Variants in CDH13 observed in about 807,000 individuals in gnomAD.
CDH13 encodes the protein cadherin-13.
CDH13 carries 24 observed loss-of-function variants against 63.8 expected under a neutral mutation model. The observed-to-expected ratio is 0.38, with a 90% CI of 0.27 to 0.53. The LOEUF is 0.53. CDH13 is among the 20% of genes least tolerant of loss of function. CDH13 has a pLI of 0.85. For synonymous variants in CDH13, 503 were observed against 355.3 expected (o/e 1.42, Z -4.67); for missense variants, 1,049 against 903.1 (o/e 1.16, Z -2.07).
At chr16:82,935,806 T>A (rs1279152643) in intron 2 of CDH13, among the ~76,000 whole-genome samples, 1 of 151,992 alleles carries the variant, frequency 6.6e-6, no homozygotes, top group Non-Finnish European at 1.5e-5. Context: ...AAAATTTAGG[T>A]CATGGACACA....
At chr16:82,903,375 C>A (rs563439152) in intron 2 of CDH13, among the ~76,000 whole-genome samples, 1 of 152,168 alleles carries the variant, frequency 6.6e-6, no homozygotes, top group Non-Finnish European at 1.5e-5. Context: ...GTGTTTGACC[C>A]TGTGAAGAGC....
At chr16:82,862,168 C>G (rs187633939) in intron 2 of CDH13, among the ~76,000 whole-genome samples, 33 of 152,238 alleles carry the variant, frequency 2.2e-4, no homozygotes, top group African/African-American at 7.7e-4. Flanking sequence ...TCCCCAAACA[C>G]GACAATTGTG....
intron 6 of CDH13, among the ~76,000 whole-genome samples, chr16:83,446,134 C>G (rs2072681426): frequency 6.6e-6 from 1 of 151,788 alleles, no homozygotes. Context: ...GAAACCCCAT[C>G]TCTACAAAAA....
chr16:82,848,177 G>A (rs575151551), intron 1 of CDH13, among the ~76,000 whole-genome samples: 21 of 152,346 alleles, frequency 1.4e-4, no homozygotes, highest in African/African-American at 4.8e-4. Context: ...GCAAGCTTCA[G>A]CTGGTGAGTG....
chr16:83,597,376 T>C (rs919867483), intron 7 of CDH13, among the ~76,000 whole-genome samples: 8 of 152,210 alleles, frequency 5.3e-5, no homozygotes, highest in East Asian at 1.9e-4. Context: ...AAAAGTGATA[T>C]GGTAAAACAA....
At chr16:83,730,514 G>C (rs1003591782) in intron 10 of CDH13, among the ~76,000 whole-genome samples, 1 of 152,170 alleles carries the variant, frequency 6.6e-6, no homozygotes, top group Non-Finnish European at 1.5e-5. Flanking sequence ...GCTAAACTGT[G>C]ACTTTTTAAA....
In CDH13 at chr16:82,827,522, A is replaced by G. The variant is rs113503946; in HGVS notation, c.46-30840A>G. Among the ~76,000 whole-genome samples the G allele has an allele frequency of 3.9e-3, 592 of 152,214 alleles. 4 individuals are homozygous for G. The highest frequency in any genetic ancestry group is 0.013 in the African/African-American group (550 of 41,544). ...GGGCTCTGTAAGTGAGGGTGCATAG[A>G]AGAGTAGGTCCCGCCCTTTTTAGGA... On this transcript the variant is annotated intron_variant, in intron 1 of 13. Coordinates refer to ENST00000567109, the MANE Select transcript of CDH13 (RefSeq NM_001257.5).
intron 3 of CDH13, among the ~76,000 whole-genome samples, chr16:83,070,888 A>G (rs2032382959): frequency 7.1e-6 from 1 of 141,126 alleles, no homozygotes. Flanking sequence ...TGACCTAAAC[A>G]ACAGGAGTTT....
At chr16:83,314,398 C>A (rs191304450) in intron 5 of CDH13, among the ~76,000 whole-genome samples, 6 of 152,118 alleles carry the variant, frequency 3.9e-5, no homozygotes, top group Non-Finnish European at 5.9e-5. Flanking sequence ...ATTAATAAGA[C>A]AAGCAGTTTT....
chr16:83,574,865 T>A lies in CDH13; in HGVS notation c.961-27589T>A, dbSNP rs144697036. On this transcript the variant is annotated intron_variant, in intron 7 of 13. Transcript: ENST00000567109. ...ACTCCAGTTTTAAAACTCCAACCCA[T>A]GAAAAGTAATTTCTAAAGGGAACAA... Among the ~76,000 whole-genome samples, 1,017 of 152,012 alleles carry A rather than the reference T, an allele frequency of 6.7e-3. 10 individuals are homozygous for A. The highest frequency in any genetic ancestry group is 0.023 in the African/African-American group (962 of 41,420).
In CDH13 at chr16:83,221,219, G is replaced by C. The variant is rs144487168; in HGVS notation, c.636+3722G>C. Among the ~76,000 whole-genome samples, 14 of 152,128 alleles carry C rather than the reference G, an allele frequency of 9.2e-5. 1 individual carries two copies. The highest frequency in any genetic ancestry group is 3.4e-4 in the African/African-American group (14 of 41,486). On this transcript the variant is annotated intron_variant, in intron 5 of 13. Coordinates refer to ENST00000567109, the MANE Select transcript of CDH13 (RefSeq NM_001257.5). ...CTTTCCTAGGAACTCTGCTTACCGG[G>C]GCTGGGAAGGGAGTTTGGCTGGCTG...
chr16:83,077,394 T>C (rs79618707), intron 3 of CDH13, among the ~76,000 whole-genome samples: 7,886 of 151,866 alleles, frequency 0.052, 260 homozygotes, highest in Non-Finnish European at 0.068. Context: ...GGTTTTGCCA[T>C]GTTGGCCAGG....
At chr16:83,527,362 TGGCGTGAACCCAGGA>T (rs1311531775) in intron 7 of CDH13, among the ~76,000 whole-genome samples, 5 of 151,388 alleles carry the variant, frequency 3.3e-5, no homozygotes, top group Admixed American at 3.3e-4. Context: ...GGCAGGAGAA[TGGCGTGAACCCAGGA>T]GGCAGAGCTT....
chr16:83,302,957 TC>T (rs1235534290), intron 5 of CDH13, among the ~76,000 whole-genome samples: 2 of 152,210 alleles, frequency 1.3e-5, no homozygotes, highest in African/African-American at 4.8e-5. Context: ...AAAAATCTCA[TC>T]AAGGTATTCG....
chr16:83,040,862 G>A (rs1917271296), intron 3 of CDH13, among the ~76,000 whole-genome samples: 1 of 152,150 alleles, frequency 6.6e-6, no homozygotes, highest in Non-Finnish European at 1.5e-5. Context: ...TATGATAAAT[G>A]TTCAGCTAAT....
chr16:83,442,273 C>T (rs968805771), intron 6 of CDH13, among the ~76,000 whole-genome samples: 5 of 152,226 alleles, frequency 3.3e-5, no homozygotes, highest in South Asian at 2.1e-4. Flanking sequence ...AGATGAACTT[C>T]AGGATCCCAT....
In CDH13 at chr16:83,746,249, C is replaced by T. The variant is rs1378521274; in HGVS notation, c.1539-1859C>T. 2.0e-5 allele frequency among the ~76,000 whole-genome samples: 3 copies of T among 152,104 alleles called. No individual in the cohort carries two copies. In the East Asian group the frequency reaches 5.8e-4, roughly 29 times the overall value. On this transcript the variant is annotated intron_variant, in intron 10 of 13. Coordinates refer to ENST00000567109, the MANE Select transcript of CDH13 (RefSeq NM_001257.5). ...CCATCTAGAGGTCTAGGGGAGGGTC[C>T]TTCCTGCCACTCCCCACTTCTGGTG... is the stretch of plus-strand genomic sequence containing the variant.
At chr16:83,275,539 TGA>T (rs2088959919) in intron 5 of CDH13, among the ~76,000 whole-genome samples, 1 of 149,304 alleles carries the variant, frequency 6.7e-6, no homozygotes, top group South Asian at 2.2e-4. Context: ...TTGGAATTAC[TGA>T]GAGAGATGGA....
At chr16:83,433,614 C>G (rs184266814) in intron 6 of CDH13, among the ~76,000 whole-genome samples, 1 of 152,284 alleles carries the variant, frequency 6.6e-6, no homozygotes, top group Non-Finnish European at 1.5e-5. Context: ...CTCCTATTGA[C>G]TCAGGAGTGT....
Sources: allele counts gnomAD v4.1 joint callset (sites outside exome capture counted in the v4.1 genomes callset), GRCh38; gene constraint gnomAD v4.1.1; transcripts MANE v1.5; gene names NCBI Gene and HGNC (gene_info 2026-07-23, HGNC 2026-07-21).